Variants in CNTNAP2 observed in about 807,000 individuals in gnomAD.
CNTNAP2 encodes the protein contactin associated protein 2, also known as contactin-associated protein-like 2.
CNTNAP2 carries 98 observed loss-of-function variants against 155.2 expected under a neutral mutation model. The ratio of observed to expected loss-of-function variants is 0.63; its 90% CI spans 0.54 to 0.75. The LOEUF (loss-of-function observed/expected upper bound fraction) is 0.75. CNTNAP2 is among the 30% of genes least tolerant of loss of function. CNTNAP2 has a pLI of 0.00. For synonymous variants in CNTNAP2, 651 were observed against 631.2 expected, an observed-to-expected ratio of 1.03 and a Z score of -0.47; for missense variants, 1,727 against 1,688.1, an observed-to-expected ratio of 1.02 and a Z score of -0.40.
chr7:148,162,096 C>T (rs901359921), intron 17 of CNTNAP2, among the ~76,000 whole-genome samples: 3 of 151,642 alleles, frequency 2.0e-5, no homozygotes, highest in South Asian at 2.1e-4. Flanking sequence ...TTCTTGACTC[C>T]GGATTTAAAA....
rs148640756 is a variant in CNTNAP2, at chr7:148,296,373, A to G, written c.3475+29247A>G. 9.1e-3 allele frequency among the ~76,000 whole-genome samples: 1,369 copies of G among 150,604 alleles called. 19 individuals are homozygous for G. Among genetic ancestry groups the G allele is most frequent in the African/African-American group, 0.032 (1,296 of 40,958 alleles). ...CAACACAGTGAGACCCCCCCCGCCC[A>G]CCATCTCTACTAAAATACAAAAAAT... On this transcript the variant is annotated intron_variant, in intron 21 of 23. Coordinates refer to ENST00000361727, the MANE Select transcript of CNTNAP2 (RefSeq NM_014141.6).
At chr7:147,881,346 G>A (rs1400241480) in intron 13 of CNTNAP2, among the ~76,000 whole-genome samples, 1 of 152,170 alleles carries the variant, frequency 6.6e-6, no homozygotes, top group Admixed American at 6.5e-5. Flanking sequence ...TGTGGCATTA[G>A]CATTACCAAA....
intron 1 of CNTNAP2, among the ~76,000 whole-genome samples, chr7:146,283,091 T>C (rs188456016): frequency 2.0e-5 from 3 of 152,318 alleles, no homozygotes; most frequent in African/African-American, 7.2e-5. Context: ...AACCTTTTAA[T>C]AGGAAACTCG....
intron 16 of CNTNAP2, among the ~76,000 whole-genome samples, chr7:148,120,289 C>G (rs1447115343): frequency 6.6e-6 from 1 of 150,622 alleles, no homozygotes; most frequent in African/African-American, 2.4e-5. Context: ...TTTTTTGAGA[C>G]AGGGTGTCAC....
intron 3 of CNTNAP2, among the ~76,000 whole-genome samples, chr7:146,841,014 G>T (rs181670229): frequency 5.7e-4 from 87 of 152,236 alleles, no homozygotes; most frequent in African/African-American, 1.9e-3. Context: ...TCTTCATCTC[G>T]CAATTGAGAT....
At chr7:147,647,885 A>C (rs1392142100) in intron 13 of CNTNAP2, among the ~76,000 whole-genome samples, 1 of 152,194 alleles carries the variant, frequency 6.6e-6, no homozygotes, top group Non-Finnish European at 1.5e-5. Context: ...AAAATAAGCA[A>C]AAGCAAGAAA....
chr7:146,957,620 T>C (rs1797463691), intron 3 of CNTNAP2, among the ~76,000 whole-genome samples: 2 of 152,158 alleles, frequency 1.3e-5, no homozygotes, highest in South Asian at 4.1e-4. Flanking sequence ...AGGAGAGTGA[T>C]AGAAACAATG....
chr7:146,414,488 G>C (rs1220716423), intron 1 of CNTNAP2, among the ~76,000 whole-genome samples: 1 of 152,152 alleles, frequency 6.6e-6, no homozygotes, highest in Admixed American at 6.6e-5. Context: ...CATCTGGAAG[G>C]TGATAGTTGC....
chr7:147,177,524 G>A (rs1802374621), intron 8 of CNTNAP2, among the ~76,000 whole-genome samples: 1 of 152,128 alleles, frequency 6.6e-6, no homozygotes, highest in South Asian at 2.1e-4. Context: ...CTCAGGTATT[G>A]CTTCATAGCA....
intron 4 of CNTNAP2, among the ~76,000 whole-genome samples, chr7:147,064,099 T>C (rs1799734956): frequency 6.9e-6 from 1 of 144,466 alleles, no homozygotes. Flanking sequence ...TTTTTAAGTA[T>C]AGCACTTCAT....
intron 8 of CNTNAP2, among the ~76,000 whole-genome samples, chr7:147,214,489 T>C (rs370382972): frequency 1.3e-5 from 2 of 152,272 alleles, no homozygotes; most frequent in East Asian, 3.9e-4. Flanking sequence ...TGTTAATAAG[T>C]ATATTGAACA....
At chr7:148,017,398 G>C (rs573112939) in intron 15 of CNTNAP2, among the ~76,000 whole-genome samples, 6 of 152,152 alleles carry the variant, frequency 3.9e-5, no homozygotes, top group African/African-American at 1.4e-4. Flanking sequence ...GTTTACATGA[G>C]ACTTGGAATT....
In CNTNAP2 at chr7:148,415,558, A is replaced by G. The variant is rs1167258562; in HGVS notation, c.3938A>G (p.Asn1313Ser). ...SAESADAAIM[N>S]NDPNFTETID... is the part of the protein sequence containing the mutation. The stretch of plus-strand genomic sequence containing the variant: ...GAGAGCGCGGACGCCGCCATCATGA[A>G]CAACGACCCCAACTTCACAGAGACC... Residue 1313 changes from asparagine (N) to serine (S), a missense_variant, in exon 24 of 24, where the codon AAC becomes AGC. Transcript: ENST00000361727. 4 of 1,614,114 alleles carry G rather than the reference A, an allele frequency of 2.5e-6. No individual in the cohort carries two copies. The highest frequency in any genetic ancestry group is 3.4e-6 in the Non-Finnish European group (4 of 1,180,040).
At chr7:146,895,273 TTTCC>T (rs66470379) in intron 3 of CNTNAP2, among the ~76,000 whole-genome samples, 33,922 of 145,616 alleles carry the variant, frequency 0.23, 5,093 homozygotes, top group Non-Finnish European at 0.32. Flanking sequence ...CCCTTCCTTC[TTTCC>T]TTCCTTCCTT....
intron 13 of CNTNAP2, among the ~76,000 whole-genome samples, chr7:147,830,045 G>A (rs910709386): frequency 5.9e-5 from 9 of 151,744 alleles, no homozygotes; most frequent in Admixed American, 2.0e-4. Context: ...TCATGCACCC[G>A]TTCTAGTCCA....
chr7:148,251,247 A>G (rs1284408298), intron 20 of CNTNAP2, among the ~76,000 whole-genome samples: 1 of 152,206 alleles, frequency 6.6e-6, no homozygotes, highest in East Asian at 1.9e-4. Flanking sequence ...ATAATTTGCT[A>G]GAATGATTTG....
At chr7:147,481,308 T>A (rs1306370884) in intron 10 of CNTNAP2, among the ~76,000 whole-genome samples, 3 of 152,230 alleles carry the variant, frequency 2.0e-5, no homozygotes, top group Admixed American at 2.0e-4. Context: ...ACAATGTCCA[T>A]AAACTACCAA....
chr7:147,181,340 A>AT (rs1802452865), intron 8 of CNTNAP2, among the ~76,000 whole-genome samples: 1 of 152,220 alleles, frequency 6.6e-6, no homozygotes, highest in African/African-American at 2.4e-5. Context: ...CTCAGTGCAT[A>AT]TTTTAAAGAT....
chr7:146,330,012 CTTTTTTTTTTTTTTTT>C (rs748334732), intron 1 of CNTNAP2, among the ~76,000 whole-genome samples: 3 of 74,848 alleles, frequency 4.0e-5, no homozygotes, highest in Admixed American at 3.0e-4. Flanking sequence ...CAAGTACTTT[CTTTTTTTTTTTTTTTT>C]TTTTTTTTTT....
Sources: gnomAD v4.1 joint callset for allele counts (sites outside exome capture counted in the v4.1 genomes callset) on GRCh38, gnomAD v4.1.1 for gene constraint, MANE v1.5 for transcripts, NCBI Gene and HGNC (gene_info 2026-07-23, HGNC 2026-07-21) for gene names.